PDE4B: variants seen among roughly 807,000 people sequenced by gnomAD.
PDE4B encodes the protein 3',5'-cyclic-AMP phosphodiesterase 4B.
Under a neutral mutation model 82.2 loss-of-function variants are expected in PDE4B, and 20 were observed. That is an observed-to-expected ratio of 0.24 (90% CI 0.17 to 0.35). PDE4B has a LOEUF of 0.35. Among genes scored for constraint, PDE4B ranks in the 10% least tolerant of loss-of-function variants. The probability of loss-of-function intolerance (pLI) is 1.00; values close to 1 mark genes in which losing one functional copy is unlikely to be tolerated. For synonymous variants in PDE4B, 320 were observed against 318.9 expected (o/e 1.00, Z -0.04); for missense variants, 655 against 907.2 (o/e 0.72, Z 3.57).
chr1:66,264,756 C>A (rs1359465213), intron 6 of PDE4B, among the ~76,000 whole-genome samples: 1 of 152,198 alleles, frequency 6.6e-6, no homozygotes, highest in Non-Finnish European at 1.5e-5. Context: ...GGAATTAATT[C>A]TGTGGCCACA....
chr1:65,909,442 C>T (rs968977206), intron 1 of PDE4B, among the ~76,000 whole-genome samples: 5 of 152,088 alleles, frequency 3.3e-5, no homozygotes, highest in Admixed American at 6.6e-5. Context: ...CACACATTAA[C>T]ACAGAAGTCA....
chr1:65,936,594 G>A (rs1425816843), intron 3 of PDE4B, among the ~76,000 whole-genome samples: 1 of 152,142 alleles, frequency 6.6e-6, no homozygotes, highest in Non-Finnish European at 1.5e-5. Flanking sequence ...TCACCTGAAG[G>A]ACTTATTGAA....
chr1:65,999,582 C>T (rs1347314045), intron 3 of PDE4B, among the ~76,000 whole-genome samples: 1 of 152,182 alleles, frequency 6.6e-6, no homozygotes, highest in Non-Finnish European at 1.5e-5. Context: ...GCTGACCTCC[C>T]TATCTAAAAT....
chr1:65,840,319 T>A (rs1416081147), intron 1 of PDE4B, among the ~76,000 whole-genome samples: 1 of 152,124 alleles, frequency 6.6e-6, no homozygotes, highest in Non-Finnish European at 1.5e-5. Context: ...AATAACTGAT[T>A]TATAATAAAA....
chr1:66,187,820 G>A (rs1647318175), intron 3 of PDE4B, among the ~76,000 whole-genome samples: 1 of 151,780 alleles, frequency 6.6e-6, no homozygotes. Flanking sequence ...AGGGTTTTCT[G>A]TGTCTCTATT....
chr1:66,061,311 G>A lies in PDE4B; in HGVS notation c.281+142476G>A, dbSNP rs573037656. On this transcript the variant is annotated intron_variant, in intron 3 of 16. Transcript: ENST00000341517. The stretch of plus-strand genomic sequence containing the variant: ...CATTTATTATTTTCCCTGTAATACC[G>A]TTATTAGAACACAGGAAAGTGGTTA... Among the ~76,000 whole-genome samples the A allele has an allele frequency of 7.3e-5, 11 of 150,616 alleles. No individual in the cohort carries two copies. In the South Asian group the frequency reaches 8.6e-4, roughly 12 times the overall value.
At chr1:66,353,384 A>G (rs1661985968) in intron 8 of PDE4B, among the ~76,000 whole-genome samples, 1 of 152,176 alleles carries the variant, frequency 6.6e-6, no homozygotes, top group African/African-American at 2.4e-5. Flanking sequence ...CACCTCCAAA[A>G]GCCAGGTCTC....
intron 3 of PDE4B, among the ~76,000 whole-genome samples, chr1:66,119,478 G>A (rs1645664905): frequency 7.0e-6 from 1 of 142,136 alleles, no homozygotes; most frequent in East Asian, 2.1e-4. Flanking sequence ...AGAAGTGCGT[G>A]TATTCACTTC....
chr1:66,030,471 A>G (rs1653710998), intron 3 of PDE4B, among the ~76,000 whole-genome samples: 1 of 152,192 alleles, frequency 6.6e-6, no homozygotes, highest in African/African-American at 2.4e-5. Context: ...CTGTGAAGCC[A>G]TCTGTTCTGG....
intron 3 of PDE4B, among the ~76,000 whole-genome samples, chr1:66,014,444 T>A (rs1308149625): frequency 6.6e-6 from 1 of 152,158 alleles, no homozygotes; most frequent in Non-Finnish European, 1.5e-5. Context: ...AGGTTTTTGA[T>A]CCATTTTGAG....
intron 6 of PDE4B, among the ~76,000 whole-genome samples, chr1:66,265,441 T>G (rs561165583): frequency 6.6e-6 from 1 of 152,308 alleles, no homozygotes; most frequent in South Asian, 2.1e-4. Flanking sequence ...TTGTTTCATT[T>G]AACCCCTGAC....
intron 3 of PDE4B, among the ~76,000 whole-genome samples, chr1:66,078,777 C>G (rs554325328): frequency 6.6e-6 from 1 of 152,172 alleles, no homozygotes; most frequent in East Asian, 1.9e-4. Flanking sequence ...GCATCACAGC[C>G]TAGCACAAAA....
intron 3 of PDE4B, among the ~76,000 whole-genome samples, chr1:65,981,300 A>G (rs1365935637): frequency 6.6e-6 from 1 of 152,190 alleles, no homozygotes; most frequent in Non-Finnish European, 1.5e-5. Flanking sequence ...TTAAACTAAT[A>G]TACTTTCTTC....
intron 8 of PDE4B, among the ~76,000 whole-genome samples, chr1:66,341,835 C>T (rs772124594): frequency 2.0e-5 from 3 of 152,216 alleles, no homozygotes; most frequent in Non-Finnish European, 4.4e-5. Context: ...CCTCTCCCTA[C>T]ACCCTAGAAT....
chr1:65,845,728 G>A (rs975188330), intron 1 of PDE4B, among the ~76,000 whole-genome samples: 13 of 152,162 alleles, frequency 8.5e-5, no homozygotes, highest in African/African-American at 3.1e-4. Flanking sequence ...CCTAAGTGCT[G>A]TGCATGGTCC....
intron 1 of PDE4B, among the ~76,000 whole-genome samples, chr1:65,873,727 C>T (rs1050422422): frequency 3.3e-5 from 5 of 152,060 alleles, no homozygotes; most frequent in African/African-American, 1.2e-4. Context: ...TGTCTAAGAC[C>T]AACATTTTAT....
chr1:66,272,575 A>C (rs1285351504), intron 7 of PDE4B, among the ~76,000 whole-genome samples: 3 of 151,308 alleles, frequency 2.0e-5, no homozygotes, highest in Admixed American at 2.0e-4. Context: ...TTCATCATCC[A>C]CCCTTTTATC....
intron 3 of PDE4B, among the ~76,000 whole-genome samples, chr1:66,098,453 C>G (rs1195409982): frequency 6.6e-6 from 1 of 152,098 alleles, no homozygotes; most frequent in Non-Finnish European, 1.5e-5. Flanking sequence ...CATAGATTTT[C>G]TATTTCATTA....
intron 3 of PDE4B, among the ~76,000 whole-genome samples, chr1:66,190,838 T>C (rs4427380): frequency 0.5 from 75,723 of 151,702 alleles, 19,675 homozygotes; most frequent in South Asian, 0.63. Context: ...GTGCTGCACG[T>C]GCTGTCCTGT....
Sources: gnomAD v4.1 joint callset for allele counts (sites outside exome capture counted in the v4.1 genomes callset) on GRCh38, gnomAD v4.1.1 for gene constraint, MANE v1.5 for transcripts, NCBI Gene and HGNC (gene_info 2026-07-23, HGNC 2026-07-21) for gene names.